The following RBFOX1 variants were observed in gnomAD, a reference collection of about 807,000 sequenced individuals.
RBFOX1 encodes the protein RNA binding fox-1 homolog 1, also known as RNA binding protein fox-1 homolog 1.
In RBFOX1, 8 loss-of-function variants were observed where a neutral mutation model predicts 57.7. The observed-to-expected ratio is 0.14, with a 90% CI of 0.08 to 0.25. RBFOX1 has a LOEUF of 0.25. RBFOX1 is among the 10% of genes least tolerant of loss of function. The pLI is 1.00. For synonymous variants in RBFOX1, 326 were observed against 222.4 expected (o/e 1.47, Z -4.15); for missense variants, 611 against 548.5 (o/e 1.11, Z -1.14).
chr16:7,399,029 T>A (rs1226710986), intron 4 of RBFOX1, among the ~76,000 whole-genome samples: 1 of 152,232 alleles, frequency 6.6e-6, no homozygotes, highest in Admixed American at 6.5e-5. Context: ...GGGGCAAGTG[T>A]TGAGTGACTG....
At position 7,231,432 on chromosome 16, in the gene RBFOX1, C is replaced by G. The variant is rs141769137; in HGVS notation, c.27+179334C>G. Among the ~76,000 whole-genome samples the G allele has an allele frequency of 2.2e-4, 33 of 152,248 alleles. No individual in the cohort carries two copies. In the East Asian group the frequency reaches 6.4e-3, roughly 29 times the overall value. On this transcript the variant is annotated intron_variant, in intron 4 of 15. Transcript: ENST00000550418. ...CTGCAACACAGCTCCTAAGAGCAAA[C>G]AGTTTAATCAGCTCATTTATCATCC...
At chr16:5,871,376 A>G (rs908232238) in intron 4 of RBFOX1, among the ~76,000 whole-genome samples, 10 of 152,334 alleles carry the variant, frequency 6.6e-5, no homozygotes, top group Middle Eastern at 3.4e-3. Flanking sequence ...CCATGTCCAC[A>G]TGATGAATGG....
At chr16:6,423,104 G>C (rs190591545) in intron 2 of RBFOX1, among the ~76,000 whole-genome samples, 1 of 152,290 alleles carries the variant, frequency 6.6e-6, no homozygotes, top group African/African-American at 2.4e-5. Context: ...ATTGTGAACA[G>C]TGCAGAACTC....
intron 3 of RBFOX1, among the ~76,000 whole-genome samples, chr16:6,951,482 G>C (rs2080750284): frequency 1.3e-5 from 2 of 152,186 alleles, no homozygotes; most frequent in Admixed American, 1.3e-4. Context: ...CATAGTGGCT[G>C]AGTCTGGGGT....
intron 4 of RBFOX1, among the ~76,000 whole-genome samples, chr16:7,339,528 C>A (rs2096853789): frequency 6.6e-6 from 1 of 152,174 alleles, no homozygotes; most frequent in South Asian, 2.1e-4. Flanking sequence ...GCACCTCCAC[C>A]TGCCAAGTTC....
At chr16:5,803,704 G>A (rs2055134526) in intron 3 of RBFOX1, among the ~76,000 whole-genome samples, 1 of 152,096 alleles carries the variant, frequency 6.6e-6, no homozygotes, top group Non-Finnish European at 1.5e-5. Flanking sequence ...TACCATACTA[G>A]GCACAGAGTG....
chr16:6,386,643 A>G (rs2092302509), intron 2 of RBFOX1, among the ~76,000 whole-genome samples: 1 of 152,238 alleles, frequency 6.6e-6, no homozygotes, highest in Non-Finnish European at 1.5e-5. Context: ...CCAAAGAGAG[A>G]AAAGAAGTTC....
At chr16:7,094,614 G>A (rs2061384182) in intron 4 of RBFOX1, among the ~76,000 whole-genome samples, 1 of 139,078 alleles carries the variant, frequency 7.2e-6, no homozygotes, top group South Asian at 2.4e-4. Context: ...GGGGACTCCT[G>A]CATTTCTTTT....
In RBFOX1 at chr16:5,976,152, A is replaced by G. The variant is rs1036134023; in HGVS notation, c.351+108817A>G. ...AGAGTGAGATTCAATCTCAAAATAA[A>G]TTAATAAATAAATAATAAAATAAAA... On this transcript the variant is annotated intron_variant, in intron 4 of 19. Transcript: ENST00000641259. Among the ~76,000 whole-genome samples, 7 of 152,158 alleles carry G rather than the reference A, an allele frequency of 4.6e-5. No individual in the cohort carries two copies. In the East Asian group the frequency reaches 7.7e-4, roughly 17 times the overall value.
At chr16:6,198,448 G>A (rs1047888117) in intron 1 of RBFOX1, among the ~76,000 whole-genome samples, 4 of 152,078 alleles carry the variant, frequency 2.6e-5, no homozygotes, top group Non-Finnish European at 5.9e-5. Flanking sequence ...AAAATAAAGA[G>A]GGAGACTCTT....
At chr16:7,198,718 C>T (rs892137512) in intron 4 of RBFOX1, among the ~76,000 whole-genome samples, 20 of 152,194 alleles carry the variant, frequency 1.3e-4, no homozygotes, top group African/African-American at 4.6e-4. Context: ...TAACTCACTG[C>T]AGCAGTAATG....
At chr16:6,750,646 G>C (rs1314286318) in intron 3 of RBFOX1, among the ~76,000 whole-genome samples, 5 of 152,126 alleles carry the variant, frequency 3.3e-5, no homozygotes, top group Non-Finnish European at 7.4e-5. Context: ...TAAAACACCT[G>C]CAATTATGCT....
At chr16:5,878,554 C>T (rs1302789496) in intron 4 of RBFOX1, among the ~76,000 whole-genome samples, 3 of 152,162 alleles carry the variant, frequency 2.0e-5, no homozygotes, top group Non-Finnish European at 4.4e-5. Flanking sequence ...TTAAAGTCTA[C>T]GTTGCTCAAC....
chr16:6,554,725 G>GACACACACAC (rs34699308), intron 2 of RBFOX1, among the ~76,000 whole-genome samples: 1 of 148,166 alleles, frequency 6.7e-6, no homozygotes, highest in African/African-American at 2.5e-5. Flanking sequence ...AGTAGACACA[G>GACACACACAC]ACACACACAC....
At chr16:6,362,987 G>A (rs1408010735) in intron 2 of RBFOX1, among the ~76,000 whole-genome samples, 1 of 152,134 alleles carries the variant, frequency 6.6e-6, no homozygotes, top group Non-Finnish European at 1.5e-5. Context: ...CACCTCCCTT[G>A]GGCTGAAGCT....
At chr16:6,628,986 C>T (rs1412039182) in intron 2 of RBFOX1, among the ~76,000 whole-genome samples, 1 of 152,162 alleles carries the variant, frequency 6.6e-6, no homozygotes, top group Non-Finnish European at 1.5e-5. Context: ...GCCGAGATTG[C>T]ACCACTGCAC....
chr16:6,855,686 G>C (rs942403971), intron 3 of RBFOX1, among the ~76,000 whole-genome samples: 1 of 151,748 alleles, frequency 6.6e-6, no homozygotes, highest in Non-Finnish European at 1.5e-5. Context: ...TAACTCTGGA[G>C]AGTTATCTCA....
At chr16:7,141,400 G>A (rs1284031770) in intron 4 of RBFOX1, among the ~76,000 whole-genome samples, 3 of 151,278 alleles carry the variant, frequency 2.0e-5, no homozygotes, top group Non-Finnish European at 4.4e-5. Flanking sequence ...ATACAGCTTG[G>A]GCGGCAGCTA....
intron 4 of RBFOX1, among the ~76,000 whole-genome samples, chr16:7,298,672 G>A (rs1054598316): frequency 1.3e-5 from 2 of 152,128 alleles, no homozygotes; most frequent in African/African-American, 4.8e-5. Flanking sequence ...GGATTAAAAC[G>A]TATTTTGTAT....
Sources: gnomAD v4.1 joint callset for allele counts (sites outside exome capture counted in the v4.1 genomes callset) on GRCh38, gnomAD v4.1.1 for gene constraint, MANE v1.5 for transcripts, NCBI Gene and HGNC (gene_info 2026-07-23, HGNC 2026-07-21) for gene names.